Variants in CNTNAP2 observed in about 807,000 individuals in gnomAD.
CNTNAP2 encodes the protein contactin-associated protein-like 2.
Under a neutral mutation model 155.2 loss-of-function variants are expected in CNTNAP2, and 98 were observed. That is an observed-to-expected ratio of 0.63 (90% confidence interval 0.54 to 0.75). CNTNAP2 has a LOEUF of 0.75. CNTNAP2 is among the 30% of genes least tolerant of loss of function. The pLI, the probability that CNTNAP2 is intolerant of heterozygous loss-of-function variation, is 0.00. For missense variants in CNTNAP2, 1,727 were observed against 1,688.1 expected (o/e 1.02, Z -0.40); for synonymous variants, 651 against 631.2 (o/e 1.03, Z -0.47).
chr7:147,751,099 T>A (rs1355556898), intron 13 of CNTNAP2, among the ~76,000 whole-genome samples: 1 of 151,284 alleles, frequency 6.6e-6, no homozygotes, highest in East Asian at 1.9e-4. Flanking sequence ...ATTTCCAGGC[T>A]TTGAAGAAAA....
At position 146,241,471 on chromosome 7, in the gene CNTNAP2, T is replaced by A. The variant is rs116405595; in HGVS notation, c.97+124498T>A. ...CATACATACAAGCATGGCTGTTTGC[T>A]CATAGTAAAATTTTCTTTCCTCTAG... On this transcript the variant is annotated intron_variant, in intron 1 of 23. Transcript: ENST00000361727. Among the ~76,000 whole-genome samples, 1,485 of 152,296 alleles carry A rather than the reference T, an allele frequency of 9.8e-3. 34 individuals carry two copies. The highest frequency in any genetic ancestry group is 0.034 in the African/African-American group (1,420 of 41,554).
intron 1 of CNTNAP2, among the ~76,000 whole-genome samples, chr7:146,403,080 A>G (rs6958305): frequency 0.084 from 12,705 of 152,144 alleles, 1,569 homozygotes; most frequent in African/African-American, 0.27. Flanking sequence ...ATTCTAATTG[A>G]TACTCAAACT....
chr7:147,635,975 T>C (rs1795173973), intron 12 of CNTNAP2, among the ~76,000 whole-genome samples: 1 of 152,132 alleles, frequency 6.6e-6, no homozygotes, highest in Non-Finnish European at 1.5e-5. Context: ...ACAGAAAAGA[T>C]CAAAACCAAT....
At chr7:148,020,750 A>G (rs1802265733) in intron 15 of CNTNAP2, among the ~76,000 whole-genome samples, 1 of 152,250 alleles carries the variant, frequency 6.6e-6, no homozygotes, top group Non-Finnish European at 1.5e-5. Flanking sequence ...TTTTTTAACA[A>G]TAAACACCTT....
At chr7:146,234,829 A>G (rs1387714923) in intron 1 of CNTNAP2, among the ~76,000 whole-genome samples, 3 of 152,268 alleles carry the variant, frequency 2.0e-5, no homozygotes, top group Non-Finnish European at 2.9e-5. Context: ...TAGCACTGCC[A>G]CATTCAGTTT....
chr7:146,142,415 A>T (rs1797894246), intron 1 of CNTNAP2, among the ~76,000 whole-genome samples: 1 of 152,214 alleles, frequency 6.6e-6, no homozygotes, highest in Non-Finnish European at 1.5e-5. Flanking sequence ...CACAGGCATG[A>T]TGATCCCTAA....
chr7:146,125,351 C>T (rs1013820564), intron 1 of CNTNAP2, among the ~76,000 whole-genome samples: 6 of 151,822 alleles, frequency 4.0e-5, no homozygotes, highest in African/African-American at 1.2e-4. Context: ...CTGAGACAGG[C>T]GGATCACGAG....
At chr7:146,691,915 T>TAACGA (rs1563190696) in intron 1 of CNTNAP2, among the ~76,000 whole-genome samples, 3 of 151,944 alleles carry the variant, frequency 2.0e-5, no homozygotes, top group African/African-American at 7.3e-5. Flanking sequence ...AATGGTAACG[T>TAACGA]CTTGGATTGG....
chr7:148,077,396 T>A (rs1803509335), intron 15 of CNTNAP2, among the ~76,000 whole-genome samples: 1 of 152,218 alleles, frequency 6.6e-6, no homozygotes, highest in African/African-American at 2.4e-5. Context: ...TGTTTCTATC[T>A]GTGGTTCTGA....
At chr7:147,913,371 A>G (rs555197713) in intron 14 of CNTNAP2, among the ~76,000 whole-genome samples, 2 of 152,232 alleles carry the variant, frequency 1.3e-5, no homozygotes, top group Admixed American at 1.3e-4. Context: ...GAAAAGCCAC[A>G]AAAGTGATCT....
intron 11 of CNTNAP2, among the ~76,000 whole-genome samples, chr7:147,548,377 T>G (rs2116759534): frequency 6.6e-6 from 1 of 152,312 alleles, no homozygotes; most frequent in South Asian, 2.1e-4. Flanking sequence ...CTTTTTTTCA[T>G]ATGTTTGTTG....
intron 12 of CNTNAP2, among the ~76,000 whole-genome samples, chr7:147,608,764 G>T (rs147593076): frequency 4.3e-4 from 65 of 152,316 alleles, no homozygotes; most frequent in African/African-American, 1.3e-3. Flanking sequence ...GAGCAGCAAG[G>T]CTGTTTATTT....
At chr7:147,445,039 CA>C (rs577566459) in intron 10 of CNTNAP2, among the ~76,000 whole-genome samples, 12 of 152,256 alleles carry the variant, frequency 7.9e-5, no homozygotes, top group African/African-American at 2.9e-4. Context: ...AGAACTCTAT[CA>C]GGGGAACAGC....
intron 1 of CNTNAP2, among the ~76,000 whole-genome samples, chr7:146,354,088 A>G (rs1244521441): frequency 6.6e-6 from 1 of 152,194 alleles, no homozygotes; most frequent in Non-Finnish European, 1.5e-5. Context: ...GCAGCCCTCC[A>G]GAACTCTGTG....
At chr7:146,809,973 C>T (rs1169926512) in intron 2 of CNTNAP2, among the ~76,000 whole-genome samples, 3 of 152,120 alleles carry the variant, frequency 2.0e-5, no homozygotes, top group Non-Finnish European at 4.4e-5. Flanking sequence ...AGTTGTGTTA[C>T]AATTTCAGCT....
At chr7:147,014,030 G>T (rs1798673772) in intron 3 of CNTNAP2, among the ~76,000 whole-genome samples, 1 of 152,140 alleles carries the variant, frequency 6.6e-6, no homozygotes, top group South Asian at 2.1e-4. Flanking sequence ...ATGGAAAAAG[G>T]GATGTTTGTG....
intron 6 of CNTNAP2, among the ~76,000 whole-genome samples, chr7:147,127,613 T>G (rs1801266453): frequency 6.6e-6 from 1 of 152,144 alleles, no homozygotes; most frequent in East Asian, 1.9e-4. Flanking sequence ...CACCACAGGC[T>G]CAAGTTAACA....
intron 1 of CNTNAP2, among the ~76,000 whole-genome samples, chr7:146,329,433 A>G (rs1012338785): frequency 4.6e-5 from 7 of 152,134 alleles, no homozygotes; most frequent in African/African-American, 1.7e-4. Context: ...GCCCATTTGT[A>G]TCTTTGCCCA....
At chr7:146,151,658 ATATATATATATATATATATATATG>A (rs1212018097) in intron 1 of CNTNAP2, among the ~76,000 whole-genome samples, 83 of 55,150 alleles carry the variant, frequency 1.5e-3, no homozygotes, top group South Asian at 7.3e-3. Context: ...ATATATATAT[ATATATATATATATATATATATATG>A]TATATATATA....
Sources: allele counts gnomAD v4.1 joint callset (sites outside exome capture counted in the v4.1 genomes callset), GRCh38; gene constraint gnomAD v4.1.1; transcripts MANE v1.5; gene names NCBI Gene and HGNC (gene_info 2026-07-23, HGNC 2026-07-21).